AKAP19: variants seen among roughly 807,000 people sequenced by gnomAD.
AKAP19 encodes small A-kinase anchoring protein.
chr2:190,093,892 G>A, the AKAP19 span, among the ~76,000 whole-genome samples: 4 of 152,210 alleles, frequency 2.6e-5, no homozygotes, highest in South Asian at 2.1e-4. Flanking sequence ...AGTCAGAGAC[G>A]AAAGCAGTCT....
chr2:190,130,577 A>G, the AKAP19 span, among the ~76,000 whole-genome samples: 3 of 152,180 alleles, frequency 2.0e-5, no homozygotes, highest in Non-Finnish European at 4.4e-5. Flanking sequence ...AGATTCAACT[A>G]CCTCATGTAA....
At chr2:190,161,087 A>T in the AKAP19 span, among the ~76,000 whole-genome samples, 1 of 152,118 alleles carries the variant, frequency 6.6e-6, no homozygotes, top group Admixed American at 6.5e-5. Context: ...GTTTCAACAT[A>T]GTTCTCTGGA....
chr2:190,180,343 G>C, the AKAP19 span: 5 of 513,742 alleles, frequency 9.7e-6, no homozygotes, highest in African/African-American at 1.0e-4. This position sits in a 1 kb window ranked among gnomAD's most constrained non-coding sequence, Gnocchi z 6.8. Context: ...CCCAGCACCT[G>C]TTGTCCCAAG....
At chr2:189,935,223 AT>A in the AKAP19 span, among the ~76,000 whole-genome samples, 1 of 152,074 alleles carries the variant, frequency 6.6e-6, no homozygotes, top group African/African-American at 2.4e-5. Flanking sequence ...TATAAGGAAG[AT>A]TTAATAGCTT....
chr2:190,158,482 G>T, the AKAP19 span, among the ~76,000 whole-genome samples: 1 of 152,078 alleles, frequency 6.6e-6, no homozygotes, highest in African/African-American at 2.4e-5. Flanking sequence ...ATAGGAAATG[G>T]TAAGAATTTA....
the AKAP19 span, among the ~76,000 whole-genome samples, chr2:189,973,666 GT>G: frequency 6.6e-6 from 1 of 152,180 alleles, no homozygotes; most frequent in South Asian, 2.1e-4. Context: ...TTCAGAGCCT[GT>G]TATTGGTTAT....
chr2:190,068,691 C>T, the AKAP19 span, among the ~76,000 whole-genome samples: 1 of 152,092 alleles, frequency 6.6e-6, no homozygotes, highest in Admixed American at 6.5e-5. Flanking sequence ...TCCTTAAATA[C>T]CAGAAACTCC....
At chr2:190,060,319 C>T in the AKAP19 span, 1,955 of 1,612,876 alleles carry the variant, frequency 1.2e-3, 26 homozygotes, top group East Asian at 0.027. Flanking sequence ...GTAGGAGTCT[C>T]GACGGGTCTC....
chr2:190,022,909 G>C, the AKAP19 span, among the ~76,000 whole-genome samples: 2 of 152,116 alleles, frequency 1.3e-5, no homozygotes, highest in African/African-American at 4.8e-5. Flanking sequence ...TGAGATGTTA[G>C]AGTGGTTGGT....
chr2:189,989,522 G>T, the AKAP19 span, among the ~76,000 whole-genome samples: 6 of 151,808 alleles, frequency 4.0e-5, no homozygotes, highest in Non-Finnish European at 5.9e-5. Flanking sequence ...ACAAAATAAG[G>T]TAGTTATATT....
At chr2:190,082,012 C>T in the AKAP19 span, among the ~76,000 whole-genome samples, 10 of 152,146 alleles carry the variant, frequency 6.6e-5, no homozygotes, top group Admixed American at 3.9e-4. Context: ...ATCCACCTGA[C>T]ATTTTCCCTC....
At chr2:190,143,723 T>C in the AKAP19 span, among the ~76,000 whole-genome samples, 1 of 151,804 alleles carries the variant, frequency 6.6e-6, no homozygotes, top group Non-Finnish European at 1.5e-5. Flanking sequence ...CATGCACATG[T>C]ATGTTTATTG....
chr2:189,997,425 C>G, the AKAP19 span, among the ~76,000 whole-genome samples: 1 of 152,154 alleles, frequency 6.6e-6, no homozygotes, highest in Admixed American at 6.5e-5. Flanking sequence ...TTAGGCAGGT[C>G]TGAGTTCAGA....
At chr2:190,176,508 C>G in the AKAP19 span, among the ~76,000 whole-genome samples, 3 of 152,130 alleles carry the variant, frequency 2.0e-5, no homozygotes, top group Admixed American at 2.0e-4. The surrounding 1 kb of genome is among the most constrained non-coding windows in gnomAD (Gnocchi z 4.7). Context: ...CCACCACACC[C>G]GGCTAATTTT....
the AKAP19 span, among the ~76,000 whole-genome samples, chr2:189,943,497 AC>A: frequency 6.6e-6 from 1 of 152,082 alleles, no homozygotes; most frequent in Non-Finnish European, 1.5e-5. Context: ...CTCATAGAGA[AC>A]CTCTACTACA....
At chr2:190,039,065 TCCTC>T in the AKAP19 span, among the ~76,000 whole-genome samples, 1 of 148,294 alleles carries the variant, frequency 6.7e-6, no homozygotes, top group South Asian at 2.1e-4. Flanking sequence ...TTCCTCTTCT[TCCTC>T]TTCTTTTTTT....
chr2:189,993,633 G>T, the AKAP19 span, among the ~76,000 whole-genome samples: 680 of 152,164 alleles, frequency 4.5e-3, 2 homozygotes, highest in Non-Finnish European at 7.7e-3. Flanking sequence ...TCTGGTCCTG[G>T]ACTATTTTTG....
the AKAP19 span, among the ~76,000 whole-genome samples, chr2:190,061,026 C>T: frequency 6.6e-6 from 1 of 152,024 alleles, no homozygotes; most frequent in Admixed American, 6.6e-5. Flanking sequence ...TATATTCAGG[C>T]TATCTGAAAA....
At chr2:189,905,098 A>C in the AKAP19 span, among the ~76,000 whole-genome samples, 1 of 151,972 alleles carries the variant, frequency 6.6e-6, no homozygotes, top group Non-Finnish European at 1.5e-5. Flanking sequence ...TCAAGTTTTT[A>C]CCTAAAAGAA....
Sources: allele counts gnomAD v4.1 joint callset (sites outside exome capture counted in the v4.1 genomes callset), GRCh38; gene constraint gnomAD v4.1.1; non-coding constraint Gnocchi (gnomAD v3.1); transcripts MANE v1.5; gene names NCBI Gene and HGNC (gene_info 2026-07-23, HGNC 2026-07-21).